The following CCDC85C variants were observed in gnomAD, a reference collection of about 807,000 sequenced individuals.
The protein encoded by CCDC85C is coiled-coil domain containing 85C, also known as coiled-coil domain-containing protein 85C.
A neutral mutation model predicts 38.3 loss-of-function variants in CCDC85C; 18 were observed. The observed-to-expected ratio is 0.47, with a 90% CI of 0.33 to 0.70. CCDC85C has a LOEUF of 0.70. Among genes scored for constraint, CCDC85C ranks in the 30% least tolerant of loss-of-function variants. The probability of loss-of-function intolerance (pLI) is 0.03; values close to 1 mark genes in which losing one functional copy is unlikely to be tolerated. For synonymous variants in CCDC85C, 264 were observed against 293.8 expected (o/e 0.90, Z 1.04); for missense variants, 566 against 621.2 (o/e 0.91, Z 0.94).
intron 1 of CCDC85C, among the ~76,000 whole-genome samples, chr14:99,582,040 C>A (rs1446545021): frequency 6.6e-6 from 1 of 152,176 alleles, no homozygotes; most frequent in African/African-American, 2.4e-5. Context: ...CTTATGTGAC[C>A]TAGTCTGAGC....
intron 1 of CCDC85C, among the ~76,000 whole-genome samples, chr14:99,557,560 T>C (rs1898035833): frequency 6.6e-6 from 1 of 152,168 alleles, no homozygotes; most frequent in Non-Finnish European, 1.5e-5. Context: ...ACCAAGTCAC[T>C]CCTGGGCCCA....
chr14:99,560,622 A>G (rs1898099114), intron 1 of CCDC85C, among the ~76,000 whole-genome samples: 3 of 152,352 alleles, frequency 2.0e-5, no homozygotes, highest in Non-Finnish European at 2.9e-5. Flanking sequence ...GGGCATTCAA[A>G]TGCCACTGGA....
At chr14:99,521,819 G>A (rs1897307118) in intron 3 of CCDC85C, among the ~76,000 whole-genome samples, 3 of 152,228 alleles carry the variant, frequency 2.0e-5, no homozygotes, top group Admixed American at 6.5e-5. Context: ...CCAAGCTCCA[G>A]GGCTGGCCGG....
In CCDC85C at chr14:99,603,759, G is replaced by T. The variant is rs1248178951; in HGVS notation, c.201C>A (p.Ile67=). 4.6e-6 allele frequency: 7 copies of T among 1,524,544 alleles called. No homozygotes were observed. Among genetic ancestry groups the T allele is most frequent in the East Asian group, 2.5e-5 (1 of 39,608 alleles). The allele number at this position is 1,524,544 out of a possible 1,614,324, so 94.4% of individuals were successfully genotyped here. A position where few individuals can be genotyped will look rare whatever the true frequency, so the allele number is the denominator to read the frequency against. ...GCTGGTTCACGTCCTTGAGGCCGCGGATCTCCAGCAGGTGCTGCTGCAGCC... is the reference window on the plus strand; with the variant it reads ...GCTGGTTCACGTCCTTGAGGCCGCGTATCTCCAGCAGGTGCTGCTGCAGCC... The part of the protein sequence containing the change: ...NRRLQQHLLE[I]RGLKDVNQRL... Residue 67 remains isoleucine (I), a synonymous_variant, in exon 1 of 6, where the codon ATC becomes ATA. Coordinates refer to ENST00000380243, the MANE Select transcript of CCDC85C (RefSeq NM_001144995.2). This position sits in a 1 kb window ranked among gnomAD's most constrained non-coding sequence, Gnocchi z 7.5.
At chr14:99,578,774 G>A (rs1235028917) in intron 1 of CCDC85C, among the ~76,000 whole-genome samples, 2 of 152,222 alleles carry the variant, frequency 1.3e-5, no homozygotes, top group Non-Finnish European at 2.9e-5. Flanking sequence ...TAATACAAGC[G>A]CTGCTGCCCC....
intron 2 of CCDC85C, among the ~76,000 whole-genome samples, chr14:99,534,478 G>A (rs1246356327): frequency 6.6e-6 from 1 of 152,190 alleles, no homozygotes; most frequent in Non-Finnish European, 1.5e-5. Flanking sequence ...GCAGACGCGT[G>A]AGGTCACTGA....
At chr14:99,589,034 C>T (rs1256573196) in intron 1 of CCDC85C, among the ~76,000 whole-genome samples, 1 of 147,762 alleles carries the variant, frequency 6.8e-6, no homozygotes, top group Non-Finnish European at 1.5e-5. Flanking sequence ...ATGAAAACAT[C>T]GACCCAACCC....
rs1896921075 is a variant in CCDC85C at position 99,504,431 on chromosome 14, G to C, written c.*10815C>G. On this transcript the variant is annotated 3_prime_UTR_variant, in exon 6 of 6. Coordinates refer to ENST00000380243, the MANE Select transcript of CCDC85C (RefSeq NM_001144995.2). The stretch of plus-strand genomic sequence containing the variant: ...TTTTTTCCAGTATATTTGAGGGAAT[G>C]ATGAGTTCAGTACAGGTGAATTTTT... 1 of 148,938 alleles carries C rather than the reference G, an allele frequency of 6.7e-6. No individual in the cohort carries two copies. The highest frequency in any genetic ancestry group is 2.5e-5 in the African/African-American group (1 of 40,396). The allele number at this position is 148,938 out of a possible 1,614,324, so 9.2% of individuals were successfully genotyped here. A position where few individuals can be genotyped will look rare whatever the true frequency, so the allele number is the denominator to read the frequency against.
chr14:99,573,508 T>C (rs894614189), intron 1 of CCDC85C, among the ~76,000 whole-genome samples: 15 of 152,204 alleles, frequency 9.9e-5, no homozygotes, highest in Non-Finnish European at 2.2e-4. Flanking sequence ...TCCCCCACCC[T>C]GGGCCTCAGT....
At chr14:99,550,330 C>T (rs1897883841) in intron 1 of CCDC85C, among the ~76,000 whole-genome samples, 1 of 152,170 alleles carries the variant, frequency 6.6e-6, no homozygotes, top group South Asian at 2.1e-4. Flanking sequence ...GATGTGACCA[C>T]GGTGGGGTGG....
intron 1 of CCDC85C, among the ~76,000 whole-genome samples, chr14:99,571,047 C>T (rs1898329591): frequency 6.6e-6 from 1 of 152,150 alleles, no homozygotes; most frequent in Admixed American, 6.5e-5. Flanking sequence ...GCCCTGCCAC[C>T]CCTGCCTGTG....
Position 99,505,321 on chromosome 14 carries a change from T to C in CCDC85C, c.*9925A>G, listed in dbSNP as rs2139877517. 6.6e-6 allele frequency: 1 copy of C among 152,316 alleles called. No homozygotes were observed. 9.4% of individuals were successfully genotyped at this position (152,316 alleles called of 1,614,324 possible). On this transcript the variant is annotated 3_prime_UTR_variant, in exon 6 of 6. Coordinates refer to ENST00000380243, the MANE Select transcript of CCDC85C (RefSeq NM_001144995.2). Reference sequence around the variant, plus strand: ...TTTATAGAGGAACTCAGCTGCACTGTGCCATGCCGAAGGCTACTGGCTGCA... The same window carrying C: ...TTTATAGAGGAACTCAGCTGCACTGCGCCATGCCGAAGGCTACTGGCTGCA...
Position 99,502,707 on chromosome 14 carries a change from G to C in CCDC85C, c.*12539C>G. On this transcript the variant is annotated 3_prime_UTR_variant, in exon 6 of 6. Coordinates refer to ENST00000380243, the MANE Select transcript of CCDC85C (RefSeq NM_001144995.2). ...CAATTTGTGTAAAATGTAATTGTTGGCTATCATTTAGACATCTGCCACCAA... is the reference window on the plus strand; with the variant it reads ...CAATTTGTGTAAAATGTAATTGTTGCCTATCATTTAGACATCTGCCACCAA... 1 of 1,609,148 alleles carries C rather than the reference G, an allele frequency of 6.2e-7. No homozygotes were observed. Among genetic ancestry groups the C allele is most frequent in the Non-Finnish European group, 8.5e-7 (1 of 1,175,866 alleles).
At chr14:99,531,583 TG>T (rs544106430) in intron 2 of CCDC85C, among the ~76,000 whole-genome samples, 46,173 of 89,576 alleles carry the variant, frequency 0.52, 10,325 homozygotes, top group Admixed American at 0.62. Context: ...AGGCCATGGG[TG>T]GGGGGGGGGG....
rs1896826223 is a variant in CCDC85C at position 99,501,589 on chromosome 14, G to T, written c.*13657C>A. ...CCAGGTCATCTGCTTCCCGGCAGAG[G>T]GTTTCCTTCTGCCCTGCCGTGTCAT... On this transcript the variant is annotated 3_prime_UTR_variant, in exon 6 of 6. Coordinates refer to ENST00000380243, the MANE Select transcript of CCDC85C (RefSeq NM_001144995.2). 5.2e-6 allele frequency: 3 copies of T among 581,968 alleles called. No individual in the cohort carries two copies. Among genetic ancestry groups the T allele is most frequent in the Non-Finnish European group, 9.1e-6 (3 of 330,972 alleles). 36.1% of individuals were successfully genotyped at this position (581,968 alleles called of 1,614,324 possible).
At chr14:99,575,473 G>A (rs983223159) in intron 1 of CCDC85C, among the ~76,000 whole-genome samples, 47 of 152,326 alleles carry the variant, frequency 3.1e-4, no homozygotes, top group African/African-American at 1.1e-3. Context: ...TGCTGAGAAA[G>A]GGAGAAAACT....
Position 99,545,160 on chromosome 14 carries a change from C to G in CCDC85C, c.794-9072G>C, listed in dbSNP as rs1272765265. On this transcript the variant is annotated intron_variant, in intron 1 of 5. Transcript: ENST00000380243. This position sits in a 1 kb window ranked among gnomAD's most constrained non-coding sequence, Gnocchi z 4.7. The stretch of plus-strand genomic sequence containing the variant: ...GTCCTCTCAGTGTCATCTGTCCCCT[C>G]GTGGGCCACTCTGCTCTGGGCTGGG... 2.6e-5 allele frequency among the ~76,000 whole-genome samples: 4 copies of G among 152,214 alleles called. No homozygotes were observed. Among genetic ancestry groups the G allele is most frequent in the African/African-American group, 9.6e-5 (4 of 41,458 alleles).
rs758021988 is a variant in CCDC85C at position 99,501,671 on chromosome 14, A to C, written c.*13575T>G. 31 of 444,268 alleles carry C rather than the reference A, an allele frequency of 7.0e-5. No homozygotes were observed. Among genetic ancestry groups the C allele is most frequent in the Non-Finnish European group, 1.0e-4 (26 of 252,510 alleles). The allele number at this position is 444,268 out of a possible 1,614,324, so 27.5% of individuals were successfully genotyped here. A position where few individuals can be genotyped will look rare whatever the true frequency, so the allele number is the denominator to read the frequency against. ...GTCTGAAACATAAGTCCAAAACAAT[A>C]CACTGGAGAATTTTGAAAACTAATT... On this transcript the variant is annotated 3_prime_UTR_variant, in exon 6 of 6. Coordinates refer to ENST00000380243, the MANE Select transcript of CCDC85C (RefSeq NM_001144995.2).
chr14:99,595,150 G>A (rs550968712), intron 1 of CCDC85C, among the ~76,000 whole-genome samples: 28 of 152,304 alleles, frequency 1.8e-4, no homozygotes, highest in Middle Eastern at 3.4e-3. Flanking sequence ...TGCTTGTCCT[G>A]GGTCCCCACT....
Sources: allele counts gnomAD v4.1 joint callset (sites outside exome capture counted in the v4.1 genomes callset), GRCh38; gene constraint gnomAD v4.1.1; non-coding constraint Gnocchi (gnomAD v3.1); transcripts MANE v1.5; gene names NCBI Gene and HGNC (gene_info 2026-07-23, HGNC 2026-07-21).